The following ATRN variants were observed in gnomAD, a reference collection of about 807,000 sequenced individuals.
ATRN encodes attractin-2.
ATRN carries 54 observed loss-of-function variants against 178.7 expected under a neutral mutation model. That is an observed-to-expected ratio of 0.30 (90% CI 0.24 to 0.38). ATRN has a LOEUF of 0.38. Ranked by LOEUF, ATRN falls within the 10% of genes least tolerant of loss-of-function variation. The pLI is 1.00. For missense variants in ATRN, 1,443 were observed against 1,815.1 expected (o/e 0.79, Z 3.73); for synonymous variants, 636 against 663.0 (o/e 0.96, Z 0.63).
intron 1 of ATRN, among the ~76,000 whole-genome samples, chr20:3,498,803 A>G (rs1441871014): frequency 6.8e-6 from 1 of 146,636 alleles, no homozygotes. Flanking sequence ...CACCACTCCT[A>G]TTCAACATAG....
chr20:3,613,389 G>A (rs551470655), intron 24 of ATRN, among the ~76,000 whole-genome samples: 24 of 152,278 alleles, frequency 1.6e-4, no homozygotes, highest in Admixed American at 7.2e-4. Context: ...CTGGCTGTGC[G>A]CTATGTGGAG....
chr20:3,625,451 A>G (rs1389281751), intron 25 of ATRN, among the ~76,000 whole-genome samples: 1 of 152,226 alleles, frequency 6.6e-6, no homozygotes, highest in Non-Finnish European at 1.5e-5. Flanking sequence ...TAGAAGGATC[A>G]TTCTTTGCTT....
intron 1 of ATRN, among the ~76,000 whole-genome samples, chr20:3,509,719 G>A (rs1352047687): frequency 2.0e-5 from 3 of 152,112 alleles, no homozygotes; most frequent in Non-Finnish European, 4.4e-5. Flanking sequence ...GGCCAGGCTG[G>A]TCTTGACCTC....
chr20:3,500,361 A>G (rs2084941448), intron 1 of ATRN, among the ~76,000 whole-genome samples: 1 of 152,296 alleles, frequency 6.6e-6, no homozygotes, highest in East Asian at 1.9e-4. Flanking sequence ...TATATAAATC[A>G]TGCTGCTATA....
In ATRN at chr20:3,503,298, A is replaced by G. The variant is rs534314473; in HGVS notation, c.410+31781A>G. 2.0e-5 allele frequency among the ~76,000 whole-genome samples: 3 copies of G among 152,332 alleles called. No homozygotes were observed. In the South Asian group the frequency reaches 6.2e-4, roughly 32 times the overall value. ...ATGTTAGAGACTTCTAACATAATAG[A>G]CAAAATGTTCATGATATAATAGCAA... On this transcript the variant is annotated intron_variant, in intron 1 of 28. Transcript: ENST00000262919.
intron 22 of ATRN, among the ~76,000 whole-genome samples, chr20:3,598,254 GTCAGCCCA>G (rs2086559356): frequency 6.6e-6 from 1 of 152,224 alleles, no homozygotes; most frequent in African/African-American, 2.4e-5. Flanking sequence ...TACTCTGCCT[GTCAGCCCA>G]TCATGGCCTC....
At chr20:3,508,902 C>T (rs895236425) in intron 1 of ATRN, among the ~76,000 whole-genome samples, 2 of 151,944 alleles carry the variant, frequency 1.3e-5, no homozygotes, top group Non-Finnish European at 2.9e-5. Context: ...TATATTAGGC[C>T]TTGATAAATC....
intron 4 of ATRN, among the ~76,000 whole-genome samples, chr20:3,546,326 T>C (rs2085700490): frequency 6.6e-6 from 1 of 152,108 alleles, no homozygotes; most frequent in South Asian, 2.1e-4. Flanking sequence ...AAATTCTGAA[T>C]TACATTGTTT....
chr20:3,515,904 G>A (rs1356809194), intron 1 of ATRN, among the ~76,000 whole-genome samples: 2 of 152,184 alleles, frequency 1.3e-5, no homozygotes, highest in East Asian at 3.8e-4. Context: ...TGTAACTAGA[G>A]GAGAGGCATA....
At chr20:3,523,271 A>G (rs1359024026) in intron 1 of ATRN, among the ~76,000 whole-genome samples, 2 of 151,934 alleles carry the variant, frequency 1.3e-5, no homozygotes, top group African/African-American at 4.8e-5. Flanking sequence ...TGAAGCATAC[A>G]CAAGTATCAA....
At chr20:3,569,221 A>G (rs1299243573) in intron 11 of ATRN, among the ~76,000 whole-genome samples, 2 of 152,250 alleles carry the variant, frequency 1.3e-5, no homozygotes, top group Non-Finnish European at 2.9e-5. Context: ...TGAGAAGTGC[A>G]TCCTTAGGCA....
chr20:3,553,689 G>A (rs559394648), intron 6 of ATRN, among the ~76,000 whole-genome samples: 3 of 152,118 alleles, frequency 2.0e-5, no homozygotes, highest in East Asian at 1.9e-4. Flanking sequence ...TACTCAAAAC[G>A]TACGGTGTAC....
intron 11 of ATRN, among the ~76,000 whole-genome samples, 177 bp from the exon 12 acceptor site, chr20:3,572,554 T>A (rs888705536): frequency 6.6e-6 from 1 of 151,966 alleles, no homozygotes; most frequent in Non-Finnish European, 1.5e-5. Context: ...TGGTGGTGTG[T>A]GCCTGTAGTC....
intron 6 of ATRN, among the ~76,000 whole-genome samples, chr20:3,554,305 T>TA (rs2085831271): frequency 1.4e-5 from 2 of 139,180 alleles, no homozygotes; most frequent in African/African-American, 5.3e-5. Context: ...GATTACAGAT[T>TA]TTTATTTATT....
At chr20:3,545,674 G>A in intron 3 of ATRN, 88 bp from the exon 4 acceptor site, 1 of 1,521,198 alleles carries the variant, frequency 6.6e-7, no homozygotes, top group East Asian at 2.3e-5. Context: ...TAAATTTTAA[G>A]GACGGATTTG....
At chr20:3,597,648 T>A (rs2086549748) in intron 21 of ATRN, among the ~76,000 whole-genome samples, 1 of 152,194 alleles carries the variant, frequency 6.6e-6, no homozygotes, top group Non-Finnish European at 1.5e-5. Flanking sequence ...TTTAATAGCC[T>A]TTTCAGATAA....
chr20:3,594,480 A>G lies in ATRN; in HGVS notation c.3324A>G (p.Pro1108=), dbSNP rs2086496003. 1 of 1,604,336 alleles carries G rather than the reference A, an allele frequency of 6.2e-7. No homozygotes were observed. Among genetic ancestry groups the G allele is most frequent in the African/African-American group, 1.3e-5 (1 of 74,906 alleles). Residue 1108 remains proline (P), a splice_region_variant and synonymous_variant, in exon 20 of 29, where the codon CCA becomes CCG. Coordinates refer to ENST00000262919, the MANE Select transcript of ATRN (RefSeq NM_139321.3). ...GDPTNGGKCQ[P]CKCNGHASLC... Reference sequence around the variant, plus strand: ...TCTGTTCCTTTTTCTTCTCTGCAGCATGCAAGTGCAATGGGCACGCGTCTC... The same window carrying G: ...TCTGTTCCTTTTTCTTCTCTGCAGCGTGCAAGTGCAATGGGCACGCGTCTC...
chr20:3,607,587 A>G (rs2086692701), intron 24 of ATRN, among the ~76,000 whole-genome samples: 1 of 152,234 alleles, frequency 6.6e-6, no homozygotes. Flanking sequence ...ATTTCATTGT[A>G]TAATATATAC....
intron 24 of ATRN, chr20:3,615,871 C>T (rs1015759157): frequency 1.3e-5 from 6 of 452,408 alleles, no homozygotes; most frequent in Non-Finnish European, 2.2e-5. Flanking sequence ...GGAAGGGGAA[C>T]ATCACACACC....
Sources: allele counts gnomAD v4.1 joint callset (sites outside exome capture counted in the v4.1 genomes callset), GRCh38; gene constraint gnomAD v4.1.1; transcripts MANE v1.5; gene names NCBI Gene and HGNC (gene_info 2026-07-23, HGNC 2026-07-21).